The following SFRP1 variants were observed in gnomAD, a reference collection of about 807,000 sequenced individuals.
SFRP1 encodes secreted frizzled-related protein 1.
A neutral mutation model predicts 25.9 loss-of-function variants in SFRP1; 9 were observed. The observed-to-expected ratio is 0.35, with a 90% confidence interval of 0.21 to 0.61. The LOEUF (loss-of-function observed/expected upper bound fraction) is 0.61. SFRP1 is among the 20% of genes least tolerant of loss of function. The pLI is 0.78. For missense variants in SFRP1, 346 were observed against 418.2 expected, an observed-to-expected ratio of 0.83 and a Z score of 1.51; for synonymous variants, 178 against 174.0, an observed-to-expected ratio of 1.02 and a Z score of -0.18.
intron 2 of SFRP1, among the ~76,000 whole-genome samples, chr8:41,270,203 G>C (rs1044378519): frequency 6.6e-6 from 1 of 152,182 alleles, no homozygotes; most frequent in Non-Finnish European, 1.5e-5. Context: ...GACTGAGTGC[G>C]AAGGAGCACT....
At chr8:41,296,649 G>A (rs1053018363) in intron 2 of SFRP1, among the ~76,000 whole-genome samples, 4 of 152,184 alleles carry the variant, frequency 2.6e-5, no homozygotes, top group African/African-American at 4.8e-5. Context: ...GGCAGGTGTT[G>A]GGGTTGGGGT....
chr8:41,282,312 T>C (rs1265853556), intron 2 of SFRP1, among the ~76,000 whole-genome samples: 2 of 152,258 alleles, frequency 1.3e-5, no homozygotes, highest in Non-Finnish European at 2.9e-5. Flanking sequence ...GCCCAGGAGT[T>C]TGAGACCAGC....
At chr8:41,276,014 C>T (rs1803567816) in intron 2 of SFRP1, among the ~76,000 whole-genome samples, 1 of 152,190 alleles carries the variant, frequency 6.6e-6, no homozygotes, top group Non-Finnish European at 1.5e-5. Context: ...TCTCAAAGTG[C>T]TCTCAAAGAT....
intron 2 of SFRP1, among the ~76,000 whole-genome samples, chr8:41,286,015 C>A (rs906258116): frequency 3.6e-5 from 4 of 109,928 alleles, no homozygotes; most frequent in African/African-American, 1.4e-4. Flanking sequence ...TTCTATGGAA[C>A]TGGGCGGGGG....
At chr8:41,300,827 G>A (rs1223366611) in intron 2 of SFRP1, among the ~76,000 whole-genome samples, 3 of 152,198 alleles carry the variant, frequency 2.0e-5, no homozygotes, top group South Asian at 2.1e-4. Flanking sequence ...CGCCATGTTC[G>A]ATGCGGTGAC....
In SFRP1 at chr8:41,309,371, T is replaced by A; in HGVS notation, c.-212A>T. On this transcript the variant is annotated 5_prime_UTR_variant, in exon 1 of 3. Coordinates refer to ENST00000220772, the MANE Select transcript of SFRP1 (RefSeq NM_003012.5). Reference sequence around the variant, plus strand: ...GGCGGCGCGGGCGGGGAGGCGGCGCTGCGGGCTGGGTGCGCCCCGGCTCCC... The same window carrying A: ...GGCGGCGCGGGCGGGGAGGCGGCGCAGCGGGCTGGGTGCGCCCCGGCTCCC... The A allele has an allele frequency of 9.2e-6, 3 of 325,042 alleles. No homozygotes were observed. The highest frequency in any genetic ancestry group is 1.5e-5 in the Non-Finnish European group (3 of 206,762). 20.1% of individuals were successfully genotyped at this position (325,042 alleles called of 1,614,324 possible).
rs779146205 is a variant in SFRP1, at chr8:41,309,073, G to A, written c.87C>T (p.Gly29=). The part of the protein sequence containing the change: ...LALGAALLAV[G]SASEYDYVSF... ...TCACGTAGTCGTACTCGCTGGCCGA[G>A]CCCACGGCCAGAAGCGCCGCGCCCA... Residue 29 remains glycine (G), a synonymous_variant, in exon 1 of 3, where the codon GGC becomes GGT. Coordinates refer to ENST00000220772, the MANE Select transcript of SFRP1 (RefSeq NM_003012.5). 6.3e-7 allele frequency: 1 copy of A among 1,598,464 alleles called. No homozygotes were observed. Among genetic ancestry groups the A allele is most frequent in the Non-Finnish European group, 8.5e-7 (1 of 1,178,350 alleles).
chr8:41,299,955 G>C (rs1235572285), intron 2 of SFRP1, among the ~76,000 whole-genome samples: 2 of 152,158 alleles, frequency 1.3e-5, no homozygotes, highest in African/African-American at 2.4e-5. Flanking sequence ...ATTAGATACA[G>C]AGCCTGCTCT....
intron 2 of SFRP1, among the ~76,000 whole-genome samples, chr8:41,286,488 G>C (rs912876430): frequency 6.6e-6 from 1 of 150,438 alleles, no homozygotes; most frequent in South Asian, 2.1e-4. Flanking sequence ...CTCCTCCTTG[G>C]ATAAAGGAAG....
At chr8:41,295,718 A>T (rs1435552401) in intron 2 of SFRP1, among the ~76,000 whole-genome samples, 1 of 151,264 alleles carries the variant, frequency 6.6e-6, no homozygotes, top group Non-Finnish European at 1.5e-5. Context: ...TAGCAAAGCC[A>T]GAGACACTGG....
At chr8:41,304,735 C>A (rs886605849) in intron 1 of SFRP1, among the ~76,000 whole-genome samples, 3 of 152,212 alleles carry the variant, frequency 2.0e-5, no homozygotes, top group Admixed American at 2.0e-4. Flanking sequence ...AGGGGACCTG[C>A]AGAGCACCCC....
At chr8:41,300,606 C>T (rs1249040615) in intron 2 of SFRP1, among the ~76,000 whole-genome samples, 1 of 152,198 alleles carries the variant, frequency 6.6e-6, no homozygotes, top group Non-Finnish European at 1.5e-5. Context: ...TAAATCAGAT[C>T]CTCATATCCC....
intron 2 of SFRP1, chr8:41,298,021 T>A (rs768097386): frequency 3.3e-5 from 5 of 152,066 alleles, no homozygotes; most frequent in Admixed American, 6.5e-5. Flanking sequence ...CCAGGTAGAG[T>A]GCTCTTGGGT....
At chr8:41,292,227 T>A (rs1338007591) in intron 2 of SFRP1, among the ~76,000 whole-genome samples, 1 of 152,118 alleles carries the variant, frequency 6.6e-6, no homozygotes, top group East Asian at 1.9e-4. Context: ...GCTGCAGAAT[T>A]CTTTGCAGCG....
chr8:41,270,324 A>G (rs1017861514), intron 2 of SFRP1, among the ~76,000 whole-genome samples: 3 of 152,346 alleles, frequency 2.0e-5, no homozygotes, highest in Admixed American at 1.3e-4. Context: ...CACATGCAAG[A>G]AAGTGGTAAA....
chr8:41,294,192 G>A (rs1803812465), intron 2 of SFRP1, among the ~76,000 whole-genome samples: 1 of 152,184 alleles, frequency 6.6e-6, no homozygotes, highest in Admixed American at 6.5e-5. Context: ...AGGAGGGAAT[G>A]CGCTCTCTAG....
chr8:41,263,357 A>G lies in SFRP1; in HGVS notation c.*1810T>C, dbSNP rs1803396765. 1 of 152,410 alleles carries G rather than the reference A, an allele frequency of 6.6e-6. No homozygotes were observed. Among genetic ancestry groups the G allele is most frequent in the African/African-American group, 2.4e-5 (1 of 41,456 alleles). 9.4% of individuals were successfully genotyped at this position (152,410 alleles called of 1,614,324 possible). On this transcript the variant is annotated 3_prime_UTR_variant, in exon 3 of 3. Transcript: ENST00000220772. ...GATGAAAGGTCAGAGAGAACCCCAC[A>G]AAAAAGGTGTTAAAAGGACAGGATC...
At position 41,262,190 on chromosome 8, in the gene SFRP1, G is replaced by C. The variant is rs1490867440; in HGVS notation, c.*2977C>G. 1 of 152,378 alleles carries C rather than the reference G, an allele frequency of 6.6e-6. No homozygotes were observed. Among genetic ancestry groups the C allele is most frequent in the Non-Finnish European group, 1.5e-5 (1 of 68,036 alleles). The allele number at this position is 152,378 out of a possible 1,614,324, so 9.4% of individuals were successfully genotyped here. A position where few individuals can be genotyped will look rare whatever the true frequency, so the allele number is the denominator to read the frequency against. ...ATCTAAAAGAGGAGTACTACAGGAA[G>C]AAACTAGAGGAAACGGGAATTTCAT... is the stretch of plus-strand genomic sequence containing the variant. On this transcript the variant is annotated 3_prime_UTR_variant, in exon 3 of 3. Coordinates refer to ENST00000220772, the MANE Select transcript of SFRP1 (RefSeq NM_003012.5).
chr8:41,305,556 C>T (rs1443418612), intron 1 of SFRP1, among the ~76,000 whole-genome samples: 1 of 152,200 alleles, frequency 6.6e-6, no homozygotes, highest in Non-Finnish European at 1.5e-5. Flanking sequence ...ACCTGCGCCT[C>T]ATTGGTGCGT....
Sources: gnomAD v4.1 joint callset for allele counts (sites outside exome capture counted in the v4.1 genomes callset) on GRCh38, gnomAD v4.1.1 for gene constraint, MANE v1.5 for transcripts, NCBI Gene and HGNC (gene_info 2026-07-23, HGNC 2026-07-21) for gene names.